Variants in CEP290 observed in about 807,000 individuals in gnomAD.
CEP290 encodes centrosomal protein of 290 kDa.
In CEP290, 317 loss-of-function variants were observed where a neutral mutation model predicts 344.9. That is an observed-to-expected ratio of 0.92 (90% CI 0.84 to 1.01). CEP290 has a LOEUF of 1.01. CEP290 is among the 50% of genes least tolerant of loss of function. CEP290 has a pLI of 0.00. For missense variants in CEP290, 2,754 were observed against 2,761.4 expected, an observed-to-expected ratio of 1.00 and a Z score of 0.06; for synonymous variants, 932 against 895.8, an observed-to-expected ratio of 1.04 and a Z score of -0.72.
intron 53 of CEP290, 145 bp downstream of exon 53, chr12:88,050,209 A>T (rs913576479): frequency 3.6e-6 from 2 of 562,670 alleles, no homozygotes; most frequent in Non-Finnish European, 6.2e-6. Context: ...GAATAGTCAG[A>T]TGAACATAAT....
Position 88,126,294 on chromosome 12 carries a change from C to T in CEP290, c.1065+22G>A, listed in dbSNP as rs1474736409. ...AACTGTAATAAAACTGGTTGATAAA[C>T]AAAATTCTGTTAAGATTTTACCTGC... On this transcript the variant is annotated intron_variant, in intron 12 of 53. Coordinates refer to ENST00000552810, the MANE Select transcript of CEP290 (RefSeq NM_025114.4). 4 of 1,429,932 alleles carry T rather than the reference C, an allele frequency of 2.8e-6. No individual in the cohort carries two copies. The African/African-American group carries it at 4.5e-5, about 16-fold the overall frequency. 88.6% of individuals were successfully genotyped at this position (1,429,932 alleles called of 1,614,324 possible). A position where few individuals can be genotyped will look rare whatever the true frequency, so the allele number is the denominator to read the frequency against.
At chr12:88,105,295 C>T (rs1297284229) in intron 25 of CEP290, among the ~76,000 whole-genome samples, 1 of 152,164 alleles carries the variant, frequency 6.6e-6, no homozygotes, top group African/African-American at 2.4e-5. Context: ...AAGAATATGA[C>T]TCCAACTAAA....
At chr12:88,102,710 A>C (rs959962814) in intron 26 of CEP290, 128 bp downstream of exon 26, 9 of 667,574 alleles carry the variant, frequency 1.3e-5, no homozygotes, top group Non-Finnish European at 2.2e-5. Flanking sequence ...AATATGGATA[A>C]TTATATCTCT....
Position 88,096,936 on chromosome 12 carries a change from C to A in CEP290, c.3055G>T (p.Glu1019Ter). 6.3e-7 allele frequency: 1 copy of A among 1,583,034 alleles called. No individual in the cohort carries two copies. The highest frequency in any genetic ancestry group is 8.6e-7 in the Non-Finnish European group (1 of 1,162,326). ...GCTTGTTCAATAGTGTGAAGTTTTT[C>A]CTTGGTAATCTCCAGTTCTTTATTT... ...SINKELEITK[E>*]KLHTIEQAWE... is the part of the protein sequence containing the mutation. Residue 1019 changes from glutamate to a stop codon, truncating the protein, a stop_gained, in exon 27 of 54, where the codon GAA (glutamate) becomes TAA (stop). Transcript: ENST00000552810. LOFTEE classifies it high-confidence loss of function.
intron 25 of CEP290, chr12:88,103,394 G>A (rs1227719748): frequency 1.9e-5 from 3 of 154,832 alleles, no homozygotes; most frequent in Non-Finnish European, 2.9e-5. Context: ...CATTATCACA[G>A]GTAACTTTCA....
At chr12:88,090,700 T>G (rs1378548406) in intron 30 of CEP290, 28 bp downstream of exon 30, 1 of 1,317,184 alleles carries the variant, frequency 7.6e-7, no homozygotes, top group Non-Finnish European at 1.1e-6. Flanking sequence ...AAGTGGATTC[T>G]ATGTAGAAGA....
intron 17 of CEP290, among the ~76,000 whole-genome samples, chr12:88,118,241 GT>G (rs1217806060): frequency 2.6e-5 from 4 of 151,526 alleles, no homozygotes; most frequent in Non-Finnish European, 4.4e-5. Context: ...TAATTCTAAG[GT>G]TTTTTTCTTT....
At chr12:88,115,875 T>C (rs753604250) in intron 18 of CEP290, 1 of 983,444 alleles carries the variant, frequency 1.0e-6, no homozygotes, top group African/African-American at 1.7e-5. Context: ...GTCTGGAAGA[T>C]TAACCTTAAG....
intron 11 of CEP290, among the ~76,000 whole-genome samples, chr12:88,128,039 C>A (rs963880929): frequency 3.3e-5 from 5 of 152,104 alleles, no homozygotes; most frequent in African/African-American, 1.2e-4. Flanking sequence ...GCCCAAAGGT[C>A]AAATCTGGCC....
At chr12:88,090,112 C>T (rs371564336) in intron 30 of CEP290, among the ~76,000 whole-genome samples, 9 of 151,850 alleles carry the variant, frequency 5.9e-5, no homozygotes, top group African/African-American at 1.7e-4. Context: ...ACATATATAA[C>T]GTAAGAATAT....
At chr12:88,056,413 T>C (rs1014065005) in intron 49 of CEP290, among the ~76,000 whole-genome samples, 2 of 152,154 alleles carry the variant, frequency 1.3e-5, no homozygotes, top group African/African-American at 4.8e-5. Context: ...ATGGCCAGTA[T>C]AGCTTTGGCA....
chr12:88,082,887 T>C (rs2036295229), intron 37 of CEP290, 144 bp downstream of exon 37: 1 of 538,458 alleles, frequency 1.9e-6, no homozygotes. Flanking sequence ...AATGATAACA[T>C]ATGTAACCAG....
chr12:88,110,612 G>C (rs766470033), intron 22 of CEP290, among the ~76,000 whole-genome samples: 45 of 152,074 alleles, frequency 3.0e-4, no homozygotes, highest in Non-Finnish European at 1.2e-4. Context: ...AGGAGGCTGA[G>C]GCATGAGAAT....
intron 52 of CEP290, among the ~76,000 whole-genome samples, chr12:88,051,957 T>C (rs2033585311): frequency 6.6e-6 from 1 of 152,182 alleles, no homozygotes; most frequent in African/African-American, 2.4e-5. Flanking sequence ...CTGTGGAGTT[T>C]CATACATTTA....
At chr12:88,090,861 C>G in intron 29 of CEP290, 22 bp from the exon 30 acceptor site, 1 of 1,436,674 alleles carries the variant, frequency 7.0e-7, no homozygotes, top group Non-Finnish European at 9.5e-7. Context: ...TAAGGTATTT[C>G]AGGAACAATT....
At chr12:88,094,651 A>G (rs2037298447) in intron 27 of CEP290, among the ~76,000 whole-genome samples, 1 of 137,040 alleles carries the variant, frequency 7.3e-6, no homozygotes, top group African/African-American at 2.7e-5. Flanking sequence ...ATCGCATAGG[A>G]GTGTCATTAG....
At chr12:88,115,792 T>C (rs895815628) in intron 18 of CEP290, 1 of 983,650 alleles carries the variant, frequency 1.0e-6, no homozygotes, top group African/African-American at 1.7e-5. Flanking sequence ...ACTAGCTCTC[T>C]CCGTAACTGT....
intron 30 of CEP290, 57 bp downstream of exon 30, chr12:88,090,670 TA>T: frequency 9.8e-7 from 1 of 1,017,976 alleles, no homozygotes; most frequent in South Asian, 1.5e-5. Context: ...TCCCAACATC[TA>T]ATGTAAATTT....
intron 27 of CEP290, among the ~76,000 whole-genome samples, chr12:88,095,170 C>T (rs1196344346): frequency 1.3e-5 from 2 of 152,060 alleles, no homozygotes; most frequent in Non-Finnish European, 2.9e-5. Flanking sequence ...GAGTCCTTCT[C>T]CATTCTGTAT....
Sources: allele counts gnomAD v4.1 joint callset (sites outside exome capture counted in the v4.1 genomes callset), GRCh38; gene constraint gnomAD v4.1.1; transcripts MANE v1.5; gene names NCBI Gene and HGNC (gene_info 2026-07-23, HGNC 2026-07-21).